DAZAP1: variants seen among roughly 807,000 people sequenced by gnomAD.
DAZAP1 encodes the protein DAZ-associated protein 1.
DAZAP1 carries 6 observed loss-of-function variants against 60.1 expected under a neutral mutation model. The observed-to-expected ratio is 0.10, with a 90% CI of 0.05 to 0.20. The LOEUF is 0.20. Ranked by LOEUF, DAZAP1 falls within the 10% of genes least tolerant of loss-of-function variation. The probability of loss-of-function intolerance (pLI) is 1.00; values close to 1 mark genes in which losing one functional copy is unlikely to be tolerated. For missense variants in DAZAP1, 366 were observed against 560.4 expected (o/e 0.65, Z 3.50); for synonymous variants, 235 against 215.9 (o/e 1.09, Z -0.78).
chr19:1,408,123 G>A (rs2082718132), intron 1 of DAZAP1, among the ~76,000 whole-genome samples: 1 of 151,944 alleles, frequency 6.6e-6, no homozygotes, highest in African/African-American at 2.4e-5. Context: ...GCAACCTGGG[G>A]GGGTGTCCTG....
Position 1,428,702 on chromosome 19 carries a change from T to C in DAZAP1, c.547-140T>C. 9.5e-7 allele frequency: 1 copy of C among 1,054,762 alleles called. No individual in the cohort carries two copies. The highest frequency in any genetic ancestry group is 1.4e-6 in the Non-Finnish European group (1 of 735,794). The allele number at this position is 1,054,762 out of a possible 1,614,324, so 65.3% of individuals were successfully genotyped here. ...TTTTAAGAAAAAAATGCTACTGGCC[T>C]AAATAAGGTTTATAGTTAAGTATTT... On this transcript the variant is annotated intron_variant, in intron 7 of 11. Transcript: ENST00000233078. This position sits in a 1 kb window ranked among gnomAD's most constrained non-coding sequence, Gnocchi z 4.0.
intron 1 of DAZAP1, among the ~76,000 whole-genome samples, chr19:1,415,444 G>T (rs2082954767): frequency 7.6e-6 from 1 of 131,344 alleles, no homozygotes; most frequent in Non-Finnish European, 1.6e-5. Context: ...CCAAAGGATT[G>T]TGTAAATGAG....
At chr19:1,408,557 T>C (rs897291038) in intron 1 of DAZAP1, among the ~76,000 whole-genome samples, 5 of 141,658 alleles carry the variant, frequency 3.5e-5, no homozygotes, top group Non-Finnish European at 7.8e-5. Context: ...AGTGGTAAGG[T>C]CGGGAGGGGT....
rs1444673525 is a variant in DAZAP1 at position 1,417,552 on chromosome 19, A to G, written c.70+12A>G. On this transcript the variant is annotated intron_variant, in intron 2 of 11. Coordinates refer to ENST00000233078, the MANE Select transcript of DAZAP1 (RefSeq NM_018959.4). ...GAGCACGACCCAAGGTAGGTGGGGA[A>G]GGGGTGTCAGGTGGGTACTGCAGAT... The G allele has an allele frequency of 6.2e-7, 1 of 1,601,824 alleles. No homozygotes were observed.
Position 1,432,308 on chromosome 19 carries a change from CCCAGGAGTG to C in DAZAP1, c.872-205_872-197del, listed in dbSNP as rs2083471865. The C allele has an allele frequency of 1.6e-6, 1 of 619,380 alleles. No homozygotes were observed. Among genetic ancestry groups the C allele is most frequent in the Non-Finnish European group, 2.9e-6 (1 of 349,704 alleles). 38.4% of individuals were successfully genotyped at this position (619,380 alleles called of 1,614,324 possible). A position where few individuals can be genotyped will look rare whatever the true frequency, so the allele number is the denominator to read the frequency against. ...CTGCAGCTCAGCATCCCGCCACGCT[CCCAGGAGTG>C]TGTGTTTCCTGGGGGGAGCGGCCCG... On this transcript the variant is annotated intron_variant, in intron 10 of 11. Coordinates refer to ENST00000233078, the MANE Select transcript of DAZAP1 (RefSeq NM_018959.4). This position sits in a 1 kb window ranked among gnomAD's most constrained non-coding sequence, Gnocchi z 4.9.
At chr19:1,424,484 G>T (rs1211609922) in intron 6 of DAZAP1, among the ~76,000 whole-genome samples, 1 of 151,380 alleles carries the variant, frequency 6.6e-6, no homozygotes, top group Non-Finnish European at 1.5e-5. Context: ...AGTCTGAGCT[G>T]CCCTTTCTGC....
At position 1,435,514 on chromosome 19, in the gene DAZAP1, A is replaced by G. The variant is rs185624540; in HGVS notation, c.*602A>G. The stretch of plus-strand genomic sequence containing the variant: ...GCTTTTGTCGACTGACCTGCTTGGT[A>G]GTGTCTGAGGTGAACTGTGGGGGTT... On this transcript the variant is annotated 3_prime_UTR_variant, in exon 12 of 12. Coordinates refer to ENST00000233078, the MANE Select transcript of DAZAP1 (RefSeq NM_018959.4). 1 of 152,298 alleles carries G rather than the reference A, an allele frequency of 6.6e-6. No individual in the cohort carries two copies. The highest frequency in any genetic ancestry group is 1.5e-5 in the Non-Finnish European group (1 of 68,042). 9.4% of individuals were successfully genotyped at this position (152,298 alleles called of 1,614,324 possible). A position where few individuals can be genotyped will look rare whatever the true frequency, so the allele number is the denominator to read the frequency against.
Position 1,421,179 on chromosome 19 carries a change from C to T in DAZAP1, c.335C>T (p.Ser112Leu). The stretch of plus-strand genomic sequence containing the variant: ...GGACCCAGGAGCGATAACAGTAAAT[C>T]AAATAAGATATTTGTCGGTGGAATT... ...QKGPRSDNSK[S>L]NKIFVGGIPH... is the part of the protein sequence containing the mutation. Residue 112 changes from serine to leucine, a missense_variant, in exon 5 of 12, where the codon TCA (serine) becomes TTA (leucine). By Grantham distance (145) the Ser-to-Leu change is moderately radical. Coordinates refer to ENST00000233078, the MANE Select transcript of DAZAP1 (RefSeq NM_018959.4). 6.2e-7 allele frequency: 1 copy of T among 1,614,208 alleles called. No individual in the cohort carries two copies. Among genetic ancestry groups the T allele is most frequent in the Non-Finnish European group, 8.5e-7 (1 of 1,180,028 alleles).
At position 1,418,400 on chromosome 19, in the gene DAZAP1, C is replaced by G. The variant is rs201315845; in HGVS notation, c.237+30C>G. ...GTGCCCTTCCGGGAGCTCACACCCG[C>G]TCTCTGTCTCCCCTGTCCTTCCTCT... is the stretch of plus-strand genomic sequence containing the variant. On this transcript the variant is annotated intron_variant, in intron 3 of 11. Transcript: ENST00000233078. The surrounding 1 kb of genome is among the most constrained non-coding windows in gnomAD (Gnocchi z 5.7). 2 of 1,606,084 alleles carry G rather than the reference C, an allele frequency of 1.2e-6. No homozygotes were observed. Among genetic ancestry groups the G allele is most frequent in the Non-Finnish European group, 1.7e-6 (2 of 1,174,406 alleles).
At position 1,423,873 on chromosome 19, in the gene DAZAP1, G is replaced by A. The variant is rs944327224; in HGVS notation, c.463+1477G>A. Among the ~76,000 whole-genome samples the A allele has an allele frequency of 2.6e-5, 4 of 152,192 alleles. No homozygotes were observed. The highest frequency in any genetic ancestry group is 2.0e-4 in the Admixed American group (3 of 15,292). ...GTGTGGACGGGACGTGGCGAGTGTC[G>A]CTGAGTCCACACTGGTGTACAGAGC... On this transcript the variant is annotated intron_variant, in intron 6 of 11. Transcript: ENST00000233078. This position sits in a 1 kb window ranked among gnomAD's most constrained non-coding sequence, Gnocchi z 6.8.
In DAZAP1 at chr19:1,435,444, A is replaced by G. The variant is rs529048746; in HGVS notation, c.*532A>G. The G allele has an allele frequency of 6.6e-6, 1 of 152,350 alleles. No homozygotes were observed. Among genetic ancestry groups the G allele is most frequent in the Admixed American group, 6.5e-5 (1 of 15,296 alleles). The allele number at this position is 152,350 out of a possible 1,614,324, so 9.4% of individuals were successfully genotyped here. A position where few individuals can be genotyped will look rare whatever the true frequency, so the allele number is the denominator to read the frequency against. ...TGGTCCAGAAACTCTGGGAGCTTCTAGAAGAAATCTACTGAGTGTATTTCT... is the reference window on the plus strand; with the variant it reads ...TGGTCCAGAAACTCTGGGAGCTTCTGGAAGAAATCTACTGAGTGTATTTCT... On this transcript the variant is annotated 3_prime_UTR_variant, in exon 12 of 12. Coordinates refer to ENST00000233078, the MANE Select transcript of DAZAP1 (RefSeq NM_018959.4).
chr19:1,432,594 G>A lies in DAZAP1; in HGVS notation c.952G>A (p.Ala318Thr). 3 of 1,613,706 alleles carry A rather than the reference G, an allele frequency of 1.9e-6. No homozygotes were observed. The highest frequency in any genetic ancestry group is 2.5e-6 in the Non-Finnish European group (3 of 1,179,992). The change falls in exon 11 of 12, where the codon GCA becomes ACA. Residue 318 changes from alanine to threonine, a missense_variant. Around this residue, in one of 3 missense-constraint regions of DAZAP1, gnomAD observed 240 missense variants for 308.8 expected, o/e 0.78. Coordinates refer to ENST00000233078, the MANE Select transcript of DAZAP1 (RefSeq NM_018959.4). This position sits in a 1 kb window ranked among gnomAD's most constrained non-coding sequence, Gnocchi z 4.9. The part of the protein sequence containing the change: ...GVPPPPATPG[A>T]APLAFPPPPS... ...TCCTCCTCCACCAGCCACTCCCGGG[G>A]CAGCACCTCTGGCTTTCCCACCGCC...
At chr19:1,419,864 G>A (rs1268826891) in intron 4 of DAZAP1, among the ~76,000 whole-genome samples, 2 of 137,946 alleles carry the variant, frequency 1.4e-5, no homozygotes, top group Non-Finnish European at 3.1e-5. Flanking sequence ...CATCCCGACC[G>A]TCACGGCAGC....
chr19:1,415,662 G>A (rs2082962208), intron 1 of DAZAP1: 1 of 152,172 alleles, frequency 6.6e-6, no homozygotes, highest in East Asian at 1.9e-4. Flanking sequence ...CGGTCTCTAG[G>A]CCTGACCTCA....
intron 1 of DAZAP1, chr19:1,415,839 C>A (rs935221889): frequency 6.6e-6 from 1 of 152,220 alleles, no homozygotes; most frequent in Non-Finnish European, 1.5e-5. Context: ...GGCTGGCACA[C>A]CCCGCCTCTA....
chr19:1,411,096 C>T (rs1035371544), intron 1 of DAZAP1, among the ~76,000 whole-genome samples: 7 of 152,178 alleles, frequency 4.6e-5, no homozygotes, highest in Non-Finnish European at 8.8e-5. Context: ...AGGCACCTGG[C>T]AAGATTGTTG....
chr19:1,432,677 C>T lies in DAZAP1; in HGVS notation c.1035C>T (p.Pro345=), dbSNP rs758561743. The T allele has an allele frequency of 1.7e-5, 27 of 1,607,174 alleles. 1 individual carries two copies. In the Admixed American group the frequency reaches 3.0e-4, roughly 18 times the overall value. Residue 345 remains proline, a synonymous_variant, in exon 11 of 12, where the codon CCC becomes CCT. Transcript: ENST00000233078. The surrounding 1 kb of genome is among the most constrained non-coding windows in gnomAD (Gnocchi z 4.9). ...SKPPTAQPDF[P]YGQYAGYGQD... ...CCCCGACAGCTCAGCCAGACTTCCC[C>T]TATGGTCAGTATGGTAAGTGGTCTC...
At position 1,418,752 on chromosome 19, in the gene DAZAP1, G is replaced by A. The variant is rs758158526; in HGVS notation, c.303+21G>A. The A allele has an allele frequency of 2.3e-5, 36 of 1,588,684 alleles. No individual in the cohort carries two copies. Among genetic ancestry groups the A allele is most frequent in the Non-Finnish European group, 3.1e-5 (36 of 1,167,628 alleles). On this transcript the variant is annotated intron_variant, in intron 4 of 11. Coordinates refer to ENST00000233078, the MANE Select transcript of DAZAP1 (RefSeq NM_018959.4). The surrounding 1 kb of genome is among the most constrained non-coding windows in gnomAD (Gnocchi z 5.7). ...GATGGGTAAGGGGCTGGGCCGGGCG[G>A]CCTCCTTGTGTGTTCTCCACTCCAC...
At chr19:1,427,006 A>T (rs570888956) in intron 7 of DAZAP1, 1 of 152,314 alleles carries the variant, frequency 6.6e-6, no homozygotes, top group South Asian at 2.1e-4. Context: ...GAACTTTTTT[A>T]AAAACAGTAG....
Sources: gnomAD v4.1 joint callset for allele counts (sites outside exome capture counted in the v4.1 genomes callset) on GRCh38, gnomAD v4.1.1 for gene constraint, gnomAD v4.1.1 regional missense constraint, Gnocchi (gnomAD v3.1) non-coding constraint, MANE v1.5 for transcripts, NCBI Gene and HGNC (gene_info 2026-07-23, HGNC 2026-07-21) for gene names.